Variants in DMD observed in about 807,000 individuals in gnomAD.
The protein encoded by DMD is dystrophin.
Under a neutral mutation model 330.1 loss-of-function variants are expected in DMD, and 63 were observed. That is an observed-to-expected ratio of 0.19 (90% CI 0.16 to 0.24). The LOEUF (loss-of-function observed/expected upper bound fraction) is 0.24, where lower values mean the gene tolerates loss of function less well. Among genes scored for constraint, DMD ranks in the 10% least tolerant of loss-of-function variants. The pLI is 1.00. For missense variants in DMD, 3,344 were observed against 2,684.1 expected (o/e 1.25, Z -5.43); for synonymous variants, 1,223 against 959.8 (o/e 1.27, Z -5.07).
intron 55 of DMD, among the ~76,000 whole-genome samples, chrX:31,568,646 G>A (rs1481192534): frequency 2.7e-5 from 3 of 111,142 alleles, no homozygotes; most frequent in Non-Finnish European, 5.7e-5. Context: ...AACCTACCTA[G>A]GTTGTATTTG....
chrX:31,994,955 T>C (rs186123636), intron 44 of DMD, among the ~76,000 whole-genome samples: 12 of 111,858 alleles, frequency 1.1e-4, no homozygotes, highest in African/African-American at 2.9e-4. Flanking sequence ...AACTGAAGAA[T>C]TCAAAGGGGT....
At chrX:31,895,957 C>A (rs1281862813) in intron 47 of DMD, among the ~76,000 whole-genome samples, 1 of 112,016 alleles carries the variant, frequency 8.9e-6, no homozygotes, top group Non-Finnish European at 1.9e-5. Flanking sequence ...ACATTCTGTT[C>A]TTGAGTGTAT....
At chrX:31,635,847 A>G (rs903873662) in intron 54 of DMD, among the ~76,000 whole-genome samples, 2 of 111,995 alleles carry the variant, frequency 1.8e-5, no homozygotes, top group African/African-American at 6.5e-5. Flanking sequence ...AGCATATGAA[A>G]AAAAGCTCAA....
chrX:33,333,228 C>T, intron 1 of DMD, among the ~76,000 whole-genome samples: 1 of 111,352 alleles, frequency 9.0e-6, no homozygotes, highest in Non-Finnish European at 1.9e-5. Context: ...AGAATTTTTT[C>T]TTTCTGTAAA....
intron 2 of DMD, among the ~76,000 whole-genome samples, chrX:32,912,732 AT>A (rs931632589): frequency 7.2e-5 from 8 of 111,576 alleles, no homozygotes; most frequent in Non-Finnish European, 1.3e-4. Flanking sequence ...TTAGTAATAC[AT>A]ATATATGTAG....
chrX:32,681,069 C>A (rs2062381626), intron 9 of DMD, among the ~76,000 whole-genome samples: 1 of 112,335 alleles, frequency 8.9e-6, no homozygotes, highest in South Asian at 3.6e-4. Flanking sequence ...GATAAAGAAT[C>A]TTAGAGCAGC....
At chrX:32,388,705 G>A (rs978173475) in intron 32 of DMD, among the ~76,000 whole-genome samples, 13 of 110,007 alleles carry the variant, frequency 1.2e-4, no homozygotes, top group African/African-American at 3.6e-4. Flanking sequence ...AAATAGACTT[G>A]TTTTCCCTTT....
chrX:32,949,383 TAGATAGATAGAC>T (rs1256459565), intron 2 of DMD, among the ~76,000 whole-genome samples: 41 of 90,441 alleles, frequency 4.5e-4, no homozygotes, highest in South Asian at 1.8e-3. Context: ...GATAGATAGA[TAGATAGATAGAC>T]AGACAGACAG....
chrX:31,837,342 G>A (rs1387586530), intron 48 of DMD, among the ~76,000 whole-genome samples: 2 of 111,517 alleles, frequency 1.8e-5, no homozygotes, highest in Non-Finnish European at 3.8e-5. Flanking sequence ...ATTTATTAAT[G>A]AGTCAAACAG....
Position 33,139,312 on chromosome X carries a change from T to C in DMD, c.31+71970A>G, listed in dbSNP as rs754838971. On this transcript the variant is annotated intron_variant, in intron 1 of 78. Coordinates refer to ENST00000357033, the MANE Select transcript of DMD (RefSeq NM_004006.3). ...CTGATATAGTTTGAATATTTGTCCC[T>C]GCCATAATCTCATATTGAAATGTAA... is the stretch of plus-strand genomic sequence containing the variant. Among the ~76,000 whole-genome samples the C allele has an allele frequency of 2.1e-3, 233 of 111,319 alleles. 1 individual carries two copies. Among genetic ancestry groups the C allele is most frequent in the Non-Finnish European group, 3.8e-3 (203 of 53,005 alleles).
At chrX:31,556,772 T>C (rs766471852) in intron 55 of DMD, among the ~76,000 whole-genome samples, 31 of 112,242 alleles carry the variant, frequency 2.8e-4, no homozygotes, top group East Asian at 1.7e-3. Context: ...TAAAGTGTCA[T>C]TGAAAGACCT....
At chrX:31,894,541 G>T (rs1421447459) in intron 47 of DMD, among the ~76,000 whole-genome samples, 1 of 111,817 alleles carries the variant, frequency 8.9e-6, no homozygotes, top group African/African-American at 3.3e-5. Context: ...CGTCCCGGGG[G>T]AAACTCACAG....
intron 44 of DMD, among the ~76,000 whole-genome samples, chrX:32,047,977 T>A (rs187286548): frequency 4.0e-3 from 430 of 107,562 alleles, no homozygotes; most frequent in Non-Finnish European, 5.8e-3. Context: ...AACTGAGTGG[T>A]CCCGCCTCCT....
At position 31,529,047 on chromosome X, in the gene DMD, C is replaced by T. The variant is rs189025599; in HGVS notation, c.8218-21594G>A. Among the ~76,000 whole-genome samples, 394 of 111,032 alleles carry T rather than the reference C, an allele frequency of 3.5e-3. 10 individuals carry two copies. In the Admixed American group the frequency reaches 0.037, roughly 10 times the overall value. On this transcript the variant is annotated intron_variant, in intron 55 of 78. Transcript: ENST00000357033. Reference sequence around the variant, plus strand: ...GAACAGCCTGGCCAACATGGCGAAACTCTGTCTCTACTAAAAATACAAAAA... The same window carrying T: ...GAACAGCCTGGCCAACATGGCGAAATTCTGTCTCTACTAAAAATACAAAAA...
chrX:32,210,855 C>T (rs1603628368), intron 44 of DMD, among the ~76,000 whole-genome samples: 1 of 111,582 alleles, frequency 9.0e-6, no homozygotes, highest in Non-Finnish European at 1.9e-5. Flanking sequence ...ATGAGAAAAC[C>T]TGGGTATTTC....
intron 41 of DMD, among the ~76,000 whole-genome samples, chrX:32,317,917 G>A (rs183417655): frequency 1.1e-3 from 119 of 109,571 alleles, no homozygotes; most frequent in African/African-American, 3.6e-3. Flanking sequence ...TAATGATTTA[G>A]TGTGAGCTAT....
At chrX:31,845,403 CTCTCTCTCTCTCTCTCTCT>C (rs1356765032) in intron 48 of DMD, among the ~76,000 whole-genome samples, 8 of 104,540 alleles carry the variant, frequency 7.7e-5, no homozygotes, top group African/African-American at 2.8e-4. Context: ...CTCTCTCTCT[CTCTCTCTCTCTCTCTCTCT>C]CTCCCTCTCC....
intron 7 of DMD, among the ~76,000 whole-genome samples, chrX:32,800,469 C>T (rs1434778609): frequency 2.7e-5 from 3 of 111,415 alleles, no homozygotes; most frequent in South Asian, 7.5e-4. Flanking sequence ...TGGTGGTTTC[C>T]CTAACACAAT....
chrX:31,510,079 G>A (rs1314643655), intron 55 of DMD, among the ~76,000 whole-genome samples: 2 of 112,131 alleles, frequency 1.8e-5, no homozygotes, highest in Admixed American at 9.5e-5. Flanking sequence ...ATACAGAGCT[G>A]TAAATGACAC....
Sources: allele counts gnomAD v4.1 joint callset (sites outside exome capture counted in the v4.1 genomes callset), GRCh38; gene constraint gnomAD v4.1.1; transcripts MANE v1.5; gene names NCBI Gene and HGNC (gene_info 2026-07-23, HGNC 2026-07-21).